Variants in DMRT1 observed in about 807,000 individuals in gnomAD.
DMRT1 encodes doublesex and mab-3 related transcription factor 1.
In DMRT1, 7 loss-of-function variants were observed where a neutral mutation model predicts 32.3. The observed-to-expected ratio is 0.22, with a 90% CI of 0.12 to 0.41. DMRT1 has a LOEUF of 0.41. Ranked by LOEUF, DMRT1 falls within the 10% of genes least tolerant of loss-of-function variation. The pLI, the probability that DMRT1 is intolerant of heterozygous loss-of-function variation, is 1.00. For synonymous variants in DMRT1, 278 were observed against 206.1 expected (o/e 1.35, Z -2.99); for missense variants, 625 against 500.5 (o/e 1.25, Z -2.37).
At chr9:949,153 C>A (rs1819346562) in intron 4 of DMRT1, among the ~76,000 whole-genome samples, 1 of 151,910 alleles carries the variant, frequency 6.6e-6, no homozygotes, top group Non-Finnish European at 1.5e-5. Context: ...ACCTGTAATC[C>A]CTTGAGGCCA....
At chr9:848,852 G>A (rs1839019000) in intron 2 of DMRT1, among the ~76,000 whole-genome samples, 3 of 70,774 alleles carry the variant, frequency 4.2e-5, no homozygotes, top group South Asian at 8.4e-4. Context: ...GCCATGCCAG[G>A]CCAAAACTTT....
intron 4 of DMRT1, among the ~76,000 whole-genome samples, chr9:963,097 A>G (rs1819827023): frequency 6.6e-6 from 1 of 152,234 alleles, no homozygotes; most frequent in Non-Finnish European, 1.5e-5. Flanking sequence ...TTTTTAAAGT[A>G]TGCTATTTGC....
At chr9:899,169 A>C (rs1564234680) in intron 3 of DMRT1, among the ~76,000 whole-genome samples, 2 of 151,802 alleles carry the variant, frequency 1.3e-5, no homozygotes, top group African/African-American at 2.4e-5. Context: ...ATCTTTCTTC[A>C]AAAAAAATCA....
At chr9:875,296 T>C (rs745390586) in intron 2 of DMRT1, among the ~76,000 whole-genome samples, 3 of 152,180 alleles carry the variant, frequency 2.0e-5, no homozygotes, top group Non-Finnish European at 4.4e-5. Flanking sequence ...CAGTTACAGA[T>C]GATACCAGGT....
intron 4 of DMRT1, among the ~76,000 whole-genome samples, chr9:954,131 G>T (rs915429989): frequency 6.6e-6 from 1 of 152,134 alleles, no homozygotes; most frequent in East Asian, 1.9e-4. Flanking sequence ...GAGCAGGAGA[G>T]AGGCTAGGAC....
chr9:899,261 C>T (rs916012767), intron 3 of DMRT1, among the ~76,000 whole-genome samples: 1 of 151,968 alleles, frequency 6.6e-6, no homozygotes, highest in African/African-American at 2.4e-5. Context: ...AAAACTGACT[C>T]TAGTGGAGAT....
intron 2 of DMRT1, among the ~76,000 whole-genome samples, chr9:860,887 T>G (rs1815629177): frequency 1.3e-5 from 2 of 152,114 alleles, no homozygotes; most frequent in South Asian, 4.1e-4. Context: ...TGAGCCTGAG[T>G]GCTTTGAGCA....
chr9:891,483 G>A (rs1340912250), intron 2 of DMRT1, among the ~76,000 whole-genome samples: 1 of 145,678 alleles, frequency 6.9e-6, no homozygotes, highest in Non-Finnish European at 1.5e-5. Flanking sequence ...AAAGTGAAAC[G>A]ACAAGATCTT....
intron 2 of DMRT1, among the ~76,000 whole-genome samples, chr9:873,571 GGCC>G (rs1816368471): frequency 6.6e-6 from 1 of 151,904 alleles, no homozygotes; most frequent in Admixed American, 6.6e-5. Context: ...CACCCGCCTT[GGCC>G]TCCCAAAATG....
chr9:898,867 G>T lies in DMRT1; in HGVS notation c.822+4672G>T, dbSNP rs184294437. 1.4e-3 allele frequency among the ~76,000 whole-genome samples: 209 copies of T among 152,290 alleles called. 3 individuals carry two copies. Among genetic ancestry groups the T allele is most frequent in the African/African-American group, 4.8e-3 (200 of 41,556 alleles). ...TTAGATTGTGATACAAATTTGGGTA[G>T]TGTGGACATTTTAGCCATATTAATT... On this transcript the variant is annotated intron_variant, in intron 3 of 4. Coordinates refer to ENST00000382276, the MANE Select transcript of DMRT1 (RefSeq NM_021951.3).
chr9:909,708 GTTTTTTTGTTTCTGT>G (rs1817904637), intron 3 of DMRT1, among the ~76,000 whole-genome samples: 1 of 62,654 alleles, frequency 1.6e-5, no homozygotes, highest in South Asian at 8.3e-4. Flanking sequence ...TACCAAGGGA[GTTTTTTTGTTTCTGT>G]TTTTTTTTGA....
chr9:870,971 G>A (rs1265248073), intron 2 of DMRT1, among the ~76,000 whole-genome samples: 1 of 151,724 alleles, frequency 6.6e-6, no homozygotes, highest in Non-Finnish European at 1.5e-5. Context: ...GACACCCAAA[G>A]TGCGGGGATT....
intron 4 of DMRT1, among the ~76,000 whole-genome samples, chr9:958,053 C>G (rs115636302): frequency 1.3e-5 from 2 of 151,996 alleles, no homozygotes; most frequent in Non-Finnish European, 2.9e-5. Context: ...ATTTATGAAT[C>G]TTAAATTTTC....
chr9:933,958 G>C (rs1454493809), intron 4 of DMRT1, among the ~76,000 whole-genome samples: 2 of 151,722 alleles, frequency 1.3e-5, no homozygotes, highest in Admixed American at 1.3e-4. Flanking sequence ...GTTACTGACA[G>C]ACTTATTGAG....
Position 911,916 on chromosome 9 carries a change from G to A in DMRT1, c.823-4847G>A, listed in dbSNP as rs574284824. Among the ~76,000 whole-genome samples, 4 of 152,294 alleles carry A rather than the reference G, an allele frequency of 2.6e-5. No individual in the cohort carries two copies. The East Asian group carries it at 7.7e-4, about 29-fold the overall frequency. ...GGGTTGTTTGTGGATTCTTTGAGGT[G>A]GATGTAGCTGAAGTGACTGATGACC... On this transcript the variant is annotated intron_variant, in intron 3 of 4. Transcript: ENST00000382276.
Position 846,517 on chromosome 9 carries a change from C to T in DMRT1, c.355-443C>T, listed in dbSNP as rs562873472. Among the ~76,000 whole-genome samples, 133 of 152,284 alleles carry T rather than the reference C, an allele frequency of 8.7e-4. 2 individuals are homozygous for T. In the South Asian group the frequency reaches 0.011, roughly 12 times the overall value. On this transcript the variant is annotated intron_variant, in intron 1 of 4. Coordinates refer to ENST00000382276, the MANE Select transcript of DMRT1 (RefSeq NM_021951.3). Reference sequence around the variant, plus strand: ...AGATTGTACTCCTCCCCTTGGCTGACTATAGTTTTTTCCTGATCCTCCCTA... The same window carrying T: ...AGATTGTACTCCTCCCCTTGGCTGATTATAGTTTTTTCCTGATCCTCCCTA...
At position 968,759 on chromosome 9, in the gene DMRT1, G is replaced by C. The variant is rs1416548738; in HGVS notation, c.*620G>C. 1 of 153,258 alleles carries C rather than the reference G, an allele frequency of 6.5e-6. No individual in the cohort carries two copies. The highest frequency in any genetic ancestry group is 2.4e-5 in the African/African-American group (1 of 41,386). The allele number at this position is 153,258 out of a possible 1,614,324, so 9.5% of individuals were successfully genotyped here. On this transcript the variant is annotated 3_prime_UTR_variant, in exon 5 of 5. Transcript: ENST00000382276. ...AAAAATTGCTGCGTTTTTGGTAAAG[G>C]GTGTAATTTGTAAACAGTGCAATTT...
chr9:940,513 T>C (rs1819029431), intron 4 of DMRT1, among the ~76,000 whole-genome samples: 1 of 151,870 alleles, frequency 6.6e-6, no homozygotes, highest in Non-Finnish European at 1.5e-5. Context: ...AAAAATGAAG[T>C]TGGAGTCTTA....
intron 2 of DMRT1, among the ~76,000 whole-genome samples, chr9:848,011 C>A (rs1458181931): frequency 6.6e-6 from 1 of 152,200 alleles, no homozygotes; most frequent in African/African-American, 2.4e-5. Flanking sequence ...AGCTATGAGA[C>A]ATCCACCAAA....
Sources: allele counts gnomAD v4.1 joint callset (sites outside exome capture counted in the v4.1 genomes callset), GRCh38; gene constraint gnomAD v4.1.1; transcripts MANE v1.5; gene names NCBI Gene and HGNC (gene_info 2026-07-23, HGNC 2026-07-21).